NAALADL2: variants seen among roughly 807,000 people sequenced by gnomAD.
NAALADL2 encodes the protein N-acetylated alpha-linked acidic dipeptidase like 2.
Under a neutral mutation model 87.2 loss-of-function variants are expected in NAALADL2, and 76 were observed. The observed-to-expected ratio is 0.87, with a 90% confidence interval of 0.72 to 1.05. The LOEUF (loss-of-function observed/expected upper bound fraction) is 1.05, where lower values mean the gene tolerates loss of function less well. Ranked by LOEUF, NAALADL2 falls within the 50% of genes least tolerant of loss-of-function variation. NAALADL2 has a pLI of 0.00. For synonymous variants in NAALADL2, 354 were observed against 331.0 expected (o/e 1.07, Z -0.75); for missense variants, 1,089 against 945.8 (o/e 1.15, Z -1.99).
intron 2 of NAALADL2, among the ~76,000 whole-genome samples, chr3:175,133,975 A>T (rs529557732): frequency 6.6e-6 from 1 of 152,314 alleles, no homozygotes; most frequent in East Asian, 1.9e-4. Context: ...GCACATAATG[A>T]AAATTACTAA....
At chr3:175,229,454 T>G (rs1048844232) in intron 2 of NAALADL2, among the ~76,000 whole-genome samples, 6 of 152,040 alleles carry the variant, frequency 3.9e-5, no homozygotes, top group Non-Finnish European at 5.9e-5. Context: ...GACCATTATC[T>G]TAATTTGTTC....
intron 12 of NAALADL2, among the ~76,000 whole-genome samples, chr3:175,748,358 C>T (rs1746193783): frequency 6.6e-6 from 1 of 152,154 alleles, no homozygotes; most frequent in African/African-American, 2.4e-5. Context: ...ATCATATTGG[C>T]AATTTCTTTT....
intron 13 of NAALADL2, among the ~76,000 whole-genome samples, chr3:175,790,727 A>G (rs1475993646): frequency 2.0e-5 from 3 of 152,178 alleles, no homozygotes; most frequent in Non-Finnish European, 4.4e-5. Flanking sequence ...ATGTCTCCAC[A>G]TATACTTGAA....
intron 2 of NAALADL2, among the ~76,000 whole-genome samples, chr3:174,606,742 C>T (rs1719117365): frequency 6.6e-6 from 1 of 152,130 alleles, no homozygotes; most frequent in South Asian, 2.1e-4. Context: ...TTGGAAAACC[C>T]TCTGCAGGAT....
intron 3 of NAALADL2, among the ~76,000 whole-genome samples, chr3:174,746,824 G>A (rs1342837030): frequency 6.6e-6 from 1 of 152,016 alleles, no homozygotes; most frequent in Non-Finnish European, 1.5e-5. Flanking sequence ...AACAAGCAAT[G>A]GGAAAGGATT....
chr3:174,545,287 C>T (rs1157723972), intron 1 of NAALADL2, among the ~76,000 whole-genome samples: 1 of 152,122 alleles, frequency 6.6e-6, no homozygotes, highest in Non-Finnish European at 1.5e-5. Flanking sequence ...CCTTTATTCT[C>T]TTGCATCAAT....
At chr3:174,932,949 C>G (rs2108429126) in intron 1 of NAALADL2, among the ~76,000 whole-genome samples, 1 of 152,230 alleles carries the variant, frequency 6.6e-6, no homozygotes, top group African/African-American at 2.4e-5. Context: ...GAAACCCCGT[C>G]TCTACTAAAA....
At position 175,567,827 on chromosome 3, in the gene NAALADL2, T is replaced by A. The variant is rs1717438158; in HGVS notation, c.1654-8214T>A. Among the ~76,000 whole-genome samples the A allele has an allele frequency of 2.0e-5, 3 of 151,842 alleles. No individual in the cohort carries two copies. The South Asian group carries it at 6.2e-4, about 31-fold the overall frequency. ...GCCTCCTGCATTCAAGCAATCCTCC[T>A]GCCTCTACCTCCCGAGTAGCTGGGA... On this transcript the variant is annotated intron_variant, in intron 9 of 13. Transcript: ENST00000454872.
At chr3:175,754,919 C>T (rs2150132309) in intron 12 of NAALADL2, among the ~76,000 whole-genome samples, 1 of 152,232 alleles carries the variant, frequency 6.6e-6, no homozygotes, top group Admixed American at 6.5e-5. Flanking sequence ...CAGTGATAAA[C>T]TTAATTTAGT....
intron 11 of NAALADL2, among the ~76,000 whole-genome samples, chr3:175,652,603 C>G (rs909965378): frequency 1.3e-5 from 2 of 151,542 alleles, no homozygotes; most frequent in African/African-American, 4.8e-5. Flanking sequence ...CTCAGCCTCC[C>G]GAGTAGCTGG....
At chr3:174,592,174 T>C (rs1717430614) in intron 2 of NAALADL2, among the ~76,000 whole-genome samples, 1 of 152,188 alleles carries the variant, frequency 6.6e-6, no homozygotes, top group Non-Finnish European at 1.5e-5. Flanking sequence ...TCATACAGGC[T>C]GATGGAACTA....
At chr3:174,574,399 T>C (rs1189663632) in intron 2 of NAALADL2, among the ~76,000 whole-genome samples, 1 of 152,170 alleles carries the variant, frequency 6.6e-6, no homozygotes, top group Non-Finnish European at 1.5e-5. Context: ...ATAGTTCTGT[T>C]TTTTTAAAGC....
intron 3 of NAALADL2, among the ~76,000 whole-genome samples, chr3:174,842,974 T>A (rs114504480): frequency 0.015 from 2,219 of 152,268 alleles, 23 homozygotes; most frequent in African/African-American, 0.033. Context: ...TCAATTTTTT[T>A]AAAAATTTTA....
intron 1 of NAALADL2, among the ~76,000 whole-genome samples, chr3:174,884,158 T>C (rs1729773110): frequency 6.6e-6 from 1 of 152,098 alleles, no homozygotes; most frequent in Non-Finnish European, 1.5e-5. Flanking sequence ...TGTAATGTCA[T>C]GGGAACAGGA....
chr3:175,505,326 A>T (rs1192917286), intron 9 of NAALADL2, among the ~76,000 whole-genome samples: 1 of 152,052 alleles, frequency 6.6e-6, no homozygotes, highest in Admixed American at 6.6e-5. Context: ...ATGTGTGACA[A>T]TGACTTATGT....
chr3:175,217,760 G>A (rs552319994), intron 2 of NAALADL2, among the ~76,000 whole-genome samples: 6 of 152,140 alleles, frequency 3.9e-5, no homozygotes, highest in Non-Finnish European at 7.4e-5. Context: ...TTGAAAACAA[G>A]CTTAAGAAGC....
At chr3:174,706,716 C>A (rs948021177) in intron 2 of NAALADL2, among the ~76,000 whole-genome samples, 1 of 152,194 alleles carries the variant, frequency 6.6e-6, no homozygotes, top group Non-Finnish European at 1.5e-5. Context: ...TTGCCCATGC[C>A]TATACCCTAA....
chr3:175,285,868 C>G (rs1754909733), intron 4 of NAALADL2, among the ~76,000 whole-genome samples: 3 of 151,858 alleles, frequency 2.0e-5, no homozygotes, highest in African/African-American at 7.3e-5. Context: ...TTATTTCTAC[C>G]CTCAAAGATA....
intron 5 of NAALADL2, among the ~76,000 whole-genome samples, chr3:175,372,435 T>C (rs558614015): frequency 1.3e-5 from 2 of 152,344 alleles, no homozygotes; most frequent in South Asian, 2.1e-4. Context: ...TCTCACAAAA[T>C]GAGAAATCGA....
Sources: allele counts gnomAD v4.1 joint callset (sites outside exome capture counted in the v4.1 genomes callset), GRCh38; gene constraint gnomAD v4.1.1; transcripts MANE v1.5; gene names NCBI Gene and HGNC (gene_info 2026-07-23, HGNC 2026-07-21).